Variants in DPP10 observed in about 807,000 individuals in gnomAD.
DPP10 encodes dipeptidyl peptidase like 10.
A neutral mutation model predicts 120.9 loss-of-function variants in DPP10; 33 were observed. The ratio of observed to expected loss-of-function variants is 0.27; its 90% CI spans 0.21 to 0.37. DPP10 has a LOEUF of 0.37. Among genes scored for constraint, DPP10 ranks in the 10% least tolerant of loss-of-function variants. The pLI is 1.00. For synonymous variants in DPP10, 337 were observed against 326.1 expected, an observed-to-expected ratio of 1.03 and a Z score of -0.36; for missense variants, 816 against 942.8, an observed-to-expected ratio of 0.87 and a Z score of 1.76.
At chr2:115,594,392 A>G (rs1575279859) in intron 5 of DPP10, among the ~76,000 whole-genome samples, 1 of 152,172 alleles carries the variant, frequency 6.6e-6, no homozygotes, top group Non-Finnish European at 1.5e-5. Flanking sequence ...GTTAAAAGCT[A>G]TAAATAGCTC....
chr2:115,100,275 G>A (rs1173621934), intron 1 of DPP10, among the ~76,000 whole-genome samples: 1 of 152,096 alleles, frequency 6.6e-6, no homozygotes, highest in Non-Finnish European at 1.5e-5. Context: ...CAAAGATCCT[G>A]TCTCTATAAA....
intron 3 of DPP10, among the ~76,000 whole-genome samples, chr2:115,400,861 CG>C (rs1320318763): frequency 6.6e-6 from 1 of 152,170 alleles, no homozygotes; most frequent in African/African-American, 2.4e-5. Context: ...TTTGTAACAG[CG>C]GGCATTGAAA....
chr2:114,511,736 C>T (rs1014525168), intron 1 of DPP10, among the ~76,000 whole-genome samples: 1 of 152,200 alleles, frequency 6.6e-6, no homozygotes, highest in African/African-American at 2.4e-5. Flanking sequence ...TCTTAACACA[C>T]GTTGGCTCCC....
intron 1 of DPP10, among the ~76,000 whole-genome samples, chr2:115,269,890 T>C (rs2059616700): frequency 6.6e-6 from 1 of 152,078 alleles, no homozygotes; most frequent in South Asian, 2.1e-4. Flanking sequence ...CTTATCATTG[T>C]ATTTCTCTTT....
At chr2:115,276,709 C>T (rs938615171) in intron 1 of DPP10, among the ~76,000 whole-genome samples, 52 of 152,148 alleles carry the variant, frequency 3.4e-4, no homozygotes, top group African/African-American at 1.2e-3. Context: ...TTATTGGTGG[C>T]ACTGTAAAGG....
intron 1 of DPP10, among the ~76,000 whole-genome samples, chr2:114,557,130 G>T (rs563433764): frequency 4.7e-4 from 71 of 152,006 alleles, no homozygotes; most frequent in Middle Eastern, 6.8e-3. Flanking sequence ...GGTGAGAAAA[G>T]TGTGGATGAA....
At chr2:115,594,483 T>A (rs1008893655) in intron 5 of DPP10, among the ~76,000 whole-genome samples, 6 of 152,130 alleles carry the variant, frequency 3.9e-5, no homozygotes, top group African/African-American at 1.4e-4. Context: ...TCATAAAAAA[T>A]TATTTCAGTA....
At chr2:115,452,172 G>A (rs1007904935) in intron 3 of DPP10, among the ~76,000 whole-genome samples, 1 of 151,868 alleles carries the variant, frequency 6.6e-6, no homozygotes, top group Non-Finnish European at 1.5e-5. Context: ...ATAATTTACA[G>A]TGCATTTGTG....
chr2:115,609,241 T>C (rs997346674), intron 5 of DPP10, among the ~76,000 whole-genome samples: 1 of 152,124 alleles, frequency 6.6e-6, no homozygotes, highest in African/African-American at 2.4e-5. Flanking sequence ...TAGTGATCCA[T>C]ATCTGGCCAG....
intron 1 of DPP10, among the ~76,000 whole-genome samples, chr2:114,495,355 C>T (rs1011409729): frequency 3.3e-5 from 5 of 152,160 alleles, no homozygotes; most frequent in Non-Finnish European, 7.4e-5. Flanking sequence ...CTTTGCATTT[C>T]CCATCCCAGT....
intron 1 of DPP10, among the ~76,000 whole-genome samples, chr2:114,541,785 T>C (rs538228197): frequency 6.6e-5 from 10 of 152,276 alleles, no homozygotes; most frequent in Non-Finnish European, 1.2e-4. Context: ...GCTTATGCCA[T>C]ATGTTGAGCA....
intron 5 of DPP10, among the ~76,000 whole-genome samples, chr2:115,534,964 T>A (rs1261591184): frequency 2.0e-5 from 3 of 150,408 alleles, no homozygotes; most frequent in African/African-American, 7.3e-5. Context: ...GGGTTGTTTG[T>A]TTTTTTCTTG....
chr2:114,636,141 A>C lies in DPP10; in HGVS notation c.60+193303A>C, dbSNP rs553132637. Among the ~76,000 whole-genome samples, 4 of 152,112 alleles carry C rather than the reference A, an allele frequency of 2.6e-5. No individual in the cohort carries two copies. In the East Asian group the frequency reaches 7.7e-4, roughly 29 times the overall value. Reference sequence around the variant, plus strand: ...CATTCTTTCAATAAAAATCATGTTAATGTAAAAAGCAGATAGTTCATTTCA... The same window carrying C: ...CATTCTTTCAATAAAAATCATGTTACTGTAAAAAGCAGATAGTTCATTTCA... On this transcript the variant is annotated intron_variant, in intron 1 of 25. Transcript: ENST00000410059.
chr2:115,387,545 A>G (rs975807644), intron 3 of DPP10, among the ~76,000 whole-genome samples: 8 of 152,180 alleles, frequency 5.3e-5, no homozygotes, highest in Non-Finnish European at 8.8e-5. Flanking sequence ...AATTCTGTTT[A>G]TAATTGATAT....
chr2:115,331,485 A>C (rs968604423), intron 2 of DPP10, among the ~76,000 whole-genome samples: 6 of 152,162 alleles, frequency 3.9e-5, no homozygotes, highest in African/African-American at 1.2e-4. Flanking sequence ...GAAAGGGGGC[A>C]TCCCCGTCTT....
intron 3 of DPP10, among the ~76,000 whole-genome samples, chr2:115,407,312 G>A (rs1441899935): frequency 1.3e-5 from 2 of 152,186 alleles, no homozygotes; most frequent in African/African-American, 2.4e-5. Context: ...GGGACCCTTG[G>A]CTGCCTCCTG....
chr2:114,708,697 T>G (rs1700835267), intron 1 of DPP10, among the ~76,000 whole-genome samples: 1 of 152,154 alleles, frequency 6.6e-6, no homozygotes, highest in South Asian at 2.1e-4. Flanking sequence ...TAATGTTGGG[T>G]GTCAGAAAAG....
intron 1 of DPP10, chr2:115,234,110 C>T (rs1015843711): frequency 1.2e-5 from 4 of 340,372 alleles, no homozygotes; most frequent in African/African-American, 6.7e-5. Flanking sequence ...TCACTTATTC[C>T]CAAGTTTTAT....
rs561023939 is a variant in DPP10 at position 115,228,628 on chromosome 2, GT to G, written c.61-80608del. Among the ~76,000 whole-genome samples the G allele has an allele frequency of 3.8e-3, 578 of 152,098 alleles. 5 individuals are homozygous for G. The highest frequency in any genetic ancestry group is 0.012 in the African/African-American group (514 of 41,490). On this transcript the variant is annotated intron_variant, in intron 1 of 25. Coordinates refer to ENST00000410059, the MANE Select transcript of DPP10 (RefSeq NM_020868.6). Reference sequence around the variant, plus strand: ...CCACAAATAAGTAAGAACATGTGAAGTTTGTCTTTCTGCACCACACTTATTC... The same window carrying G: ...CCACAAATAAGTAAGAACATGTGAAGTTGTCTTTCTGCACCACACTTATTC...
Sources: gnomAD v4.1 joint callset for allele counts (sites outside exome capture counted in the v4.1 genomes callset) on GRCh38, gnomAD v4.1.1 for gene constraint, MANE v1.5 for transcripts, NCBI Gene and HGNC (gene_info 2026-07-23, HGNC 2026-07-21) for gene names.